ADGRL2: variants seen among roughly 807,000 people sequenced by gnomAD.
The protein encoded by ADGRL2 is calcium-independent alpha-latrotoxin receptor 2.
ADGRL2 carries 44 observed loss-of-function variants against 157.4 expected under a neutral mutation model. That is an observed-to-expected ratio of 0.28 (90% CI 0.22 to 0.36). ADGRL2 has a LOEUF of 0.36. ADGRL2 is among the 10% of genes least tolerant of loss of function. The probability of loss-of-function intolerance (pLI) is 1.00; values close to 1 mark genes in which losing one functional copy is unlikely to be tolerated. For missense variants in ADGRL2, 1,510 were observed against 1,768.9 expected (o/e 0.85, Z 2.63); for synonymous variants, 585 against 624.7 (o/e 0.94, Z 0.95).
chr1:81,686,306 T>G (rs2083227503), intron 3 of ADGRL2, among the ~76,000 whole-genome samples: 1 of 152,226 alleles, frequency 6.6e-6, no homozygotes, highest in African/African-American at 2.4e-5. Context: ...ACCATTTCAA[T>G]CTTGCTGCTT....
At chr1:81,675,578 T>G (rs557084834) in intron 3 of ADGRL2, among the ~76,000 whole-genome samples, 3 of 152,156 alleles carry the variant, frequency 2.0e-5, no homozygotes, top group South Asian at 2.1e-4. Flanking sequence ...AACTGTTTTT[T>G]TTTTTTTTTC....
chr1:81,527,714 A>T (rs2079496569), intron 2 of ADGRL2, among the ~76,000 whole-genome samples: 1 of 151,304 alleles, frequency 6.6e-6, no homozygotes, highest in Non-Finnish European at 1.5e-5. Flanking sequence ...TCTGCCTCAA[A>T]AAAAAAAAGT....
intron 2 of ADGRL2, among the ~76,000 whole-genome samples, chr1:81,772,249 C>CAAAAA (rs769058340): frequency 3.2e-5 from 3 of 95,124 alleles, no homozygotes; most frequent in Admixed American, 1.1e-4. Context: ...GACTCTATCT[C>CAAAAA]AAAAAAAAAA....
intron 1 of ADGRL2, among the ~76,000 whole-genome samples, chr1:81,350,624 C>T (rs77986900): frequency 0.1 from 15,667 of 152,158 alleles, 1,010 homozygotes; most frequent in Non-Finnish European, 0.13. Flanking sequence ...AAAGAAAGCA[C>T]GTAGAAACAT....
intron 2 of ADGRL2, among the ~76,000 whole-genome samples, chr1:81,782,796 G>C (rs1224224027): frequency 6.6e-6 from 1 of 152,140 alleles, no homozygotes; most frequent in East Asian, 1.9e-4. Context: ...GCTAGCCTTT[G>C]GAGAGTTTTA....
intron 1 of ADGRL2, among the ~76,000 whole-genome samples, chr1:81,720,183 TC>T (rs1174864619): frequency 0.06 from 8,692 of 145,796 alleles, 377 homozygotes; most frequent in Non-Finnish European, 0.087. Context: ...TTTTTTCTTT[TC>T]TTTTTTTTTT....
At chr1:81,967,503 C>A (rs1469566436) in intron 13 of ADGRL2, among the ~76,000 whole-genome samples, 8 of 152,020 alleles carry the variant, frequency 5.3e-5, no homozygotes, top group Non-Finnish European at 1.0e-4. Context: ...CCTTGTGATC[C>A]GCCCGCCTCA....
intron 2 of ADGRL2, among the ~76,000 whole-genome samples, chr1:81,509,615 T>A (rs1422613689): frequency 6.6e-6 from 1 of 152,192 alleles, no homozygotes. Flanking sequence ...TGTTAGAAAC[T>A]GTTAAAAACA....
intron 1 of ADGRL2, among the ~76,000 whole-genome samples, chr1:81,753,301 T>C (rs779122238): frequency 5.9e-5 from 9 of 152,116 alleles, no homozygotes; most frequent in Admixed American, 2.6e-4. Flanking sequence ...AGAGAGCTTG[T>C]GCAGAGAAAC....
At chr1:81,649,840 G>A (rs899837276) in intron 3 of ADGRL2, among the ~76,000 whole-genome samples, 3 of 152,120 alleles carry the variant, frequency 2.0e-5, no homozygotes, top group South Asian at 2.1e-4. Context: ...ACTGACTCCC[G>A]TCAGAAGGCT....
At chr1:81,894,202 T>C (rs2151482044) in intron 2 of ADGRL2, among the ~76,000 whole-genome samples, 1 of 152,290 alleles carries the variant, frequency 6.6e-6, no homozygotes, top group Non-Finnish European at 1.5e-5. Flanking sequence ...TTCAAATGTG[T>C]TAAGGACACA....
intron 1 of ADGRL2, among the ~76,000 whole-genome samples, chr1:81,395,824 G>A (rs2076645523): frequency 6.6e-6 from 1 of 152,110 alleles, no homozygotes; most frequent in South Asian, 2.1e-4. Context: ...AATGTTCTTA[G>A]CAACTTTGTC....
intron 3 of ADGRL2, among the ~76,000 whole-genome samples, chr1:81,922,758 A>G (rs756031413): frequency 3.3e-4 from 50 of 152,126 alleles, no homozygotes; most frequent in Non-Finnish European, 6.3e-4. Context: ...GCTCATGCCC[A>G]TAGTCCCAGA....
Position 81,991,511 on chromosome 1 carries a change from G to C in ADGRL2, c.*366G>C, listed in dbSNP as rs1436346737. On this transcript the variant is annotated 3_prime_UTR_variant, in exon 24 of 24. Coordinates refer to ENST00000686636, the MANE Select transcript of ADGRL2 (RefSeq NM_001366006.2). ...AAATATGGCTGCACCATTTTTGTAG[G>C]CCTGCATTGTATTATATACAAGACG... 1.1e-5 allele frequency: 2 copies of C among 177,856 alleles called. No homozygotes were observed. The highest frequency in any genetic ancestry group is 4.7e-5 in the African/African-American group (2 of 42,148). 11.0% of individuals were successfully genotyped at this position (177,856 alleles called of 1,614,324 possible).
chr1:81,559,874 T>G (rs2080401365), intron 2 of ADGRL2, among the ~76,000 whole-genome samples: 1 of 152,190 alleles, frequency 6.6e-6, no homozygotes, highest in Non-Finnish European at 1.5e-5. Context: ...TCTTTAATAG[T>G]TTAATATTAA....
At chr1:81,536,055 A>G (rs915371395) in intron 2 of ADGRL2, among the ~76,000 whole-genome samples, 2 of 152,314 alleles carry the variant, frequency 1.3e-5, no homozygotes, top group Middle Eastern at 3.4e-3. Context: ...TTTAAAAGTG[A>G]TACATTGAGC....
chr1:81,861,991 ATTACATCCGT>A (rs2093404363), intron 2 of ADGRL2, among the ~76,000 whole-genome samples: 1 of 152,140 alleles, frequency 6.6e-6, no homozygotes, highest in Non-Finnish European at 1.5e-5. Flanking sequence ...TTTTTTGTTA[ATTACATCCGT>A]CTTTTTTGTC....
chr1:81,343,449 G>A (rs1662237125), intron 1 of ADGRL2, among the ~76,000 whole-genome samples: 2 of 152,074 alleles, frequency 1.3e-5, no homozygotes, highest in Non-Finnish European at 2.9e-5. Flanking sequence ...ATAAAAACAT[G>A]TTTTAAGGGC....
chr1:81,810,726 A>G (rs1181986929), intron 1 of ADGRL2, among the ~76,000 whole-genome samples: 1 of 151,900 alleles, frequency 6.6e-6, no homozygotes, highest in African/African-American at 2.4e-5. Flanking sequence ...ATTAAATGAC[A>G]GAAGATATAC....
Sources: gnomAD v4.1 joint callset for allele counts (sites outside exome capture counted in the v4.1 genomes callset) on GRCh38, gnomAD v4.1.1 for gene constraint, MANE v1.5 for transcripts, NCBI Gene and HGNC (gene_info 2026-07-23, HGNC 2026-07-21) for gene names.